The following CREBBP variants were observed in gnomAD, a reference collection of about 807,000 sequenced individuals.
The protein encoded by CREBBP is CREB-binding protein.
CREBBP carries 19 observed loss-of-function variants against 265.0 expected under a neutral mutation model. The ratio of observed to expected loss-of-function variants is 0.07; its 90% CI spans 0.05 to 0.11. The LOEUF (loss-of-function observed/expected upper bound fraction) is 0.11. CREBBP is among the 10% of genes least tolerant of loss of function. CREBBP has a pLI of 1.00. For synonymous variants in CREBBP, 1,457 were observed against 1,223.7 expected, an observed-to-expected ratio of 1.19 and a Z score of -3.98; for missense variants, 2,525 against 3,219.0, an observed-to-expected ratio of 0.78 and a Z score of 5.22.
At chr16:3,837,205 G>A (rs2054470500) in intron 2 of CREBBP, among the ~76,000 whole-genome samples, 1 of 152,168 alleles carries the variant, frequency 6.6e-6, no homozygotes, top group African/African-American at 2.4e-5. Context: ...ACAAGATGTG[G>A]AGGAGAAAAA....
intron 2 of CREBBP, among the ~76,000 whole-genome samples, chr16:3,839,992 C>T (rs1349072814): frequency 1.3e-5 from 2 of 151,978 alleles, no homozygotes; most frequent in Non-Finnish European, 2.9e-5. Context: ...TAATAAGATC[C>T]CTGAGCCAGT....
intron 2 of CREBBP, among the ~76,000 whole-genome samples, chr16:3,815,396 T>TA (rs1337632246): frequency 1.3e-5 from 2 of 151,670 alleles, no homozygotes; most frequent in Non-Finnish European, 2.9e-5. Context: ...AAAAATTAGC[T>TA]AGGCATGGTG....
chr16:3,855,216 G>C (rs1166995914), intron 1 of CREBBP, among the ~76,000 whole-genome samples: 1 of 152,094 alleles, frequency 6.6e-6, no homozygotes, highest in East Asian at 1.9e-4. Flanking sequence ...TTGTTTAATC[G>C]AAAAAGGATC....
chr16:3,735,382 C>T lies in CREBBP; in HGVS notation c.4728+654G>A, dbSNP rs184757843. On this transcript the variant is annotated intron_variant, in intron 28 of 30. Transcript: ENST00000262367. ...CGCAATCTAGGCTCACTGCAACCTC[C>T]GCCTCCCGGGTTCAAGCGATTCTCC... Among the ~76,000 whole-genome samples the T allele has an allele frequency of 1.9e-4, 29 of 152,220 alleles. 1 individual carries two copies. The highest frequency in any genetic ancestry group is 3.4e-3 in the Middle Eastern group (1 of 294).
At chr16:3,777,514 G>T in intron 11 of CREBBP, 99 bp downstream of exon 11, 1 of 1,242,914 alleles carries the variant, frequency 8.0e-7, no homozygotes, top group South Asian at 1.2e-5. Context: ...AAAGAAGAAA[G>T]GGTTAGAAAG....
At chr16:3,788,110 G>C (rs935502152) in intron 5 of CREBBP, among the ~76,000 whole-genome samples, 6 of 152,232 alleles carry the variant, frequency 3.9e-5, no homozygotes, top group Non-Finnish European at 8.8e-5. Context: ...GACAGTGCGT[G>C]CATTAGGCTG....
Position 3,767,077 on chromosome 16 carries a change from T to A in CREBBP, c.3250+643A>T, listed in dbSNP as rs528449644. Among the ~76,000 whole-genome samples, 3 of 152,298 alleles carry A rather than the reference T, an allele frequency of 2.0e-5. No homozygotes were observed. In the South Asian group the frequency reaches 6.2e-4, roughly 32 times the overall value. On this transcript the variant is annotated intron_variant, in intron 16 of 30. Coordinates refer to ENST00000262367, the MANE Select transcript of CREBBP (RefSeq NM_004380.3). Reference sequence around the variant, plus strand: ...CCCATTTCTAAGGTTCACTTGACAATTTTCTGATACCCTGTTATCTCTTTA... The same window carrying A: ...CCCATTTCTAAGGTTCACTTGACAAATTTCTGATACCCTGTTATCTCTTTA...
At chr16:3,745,205 C>T (rs978919990) in intron 22 of CREBBP, 72 bp downstream of exon 22, 11 of 1,306,764 alleles carry the variant, frequency 8.4e-6, no homozygotes, top group Non-Finnish European at 1.2e-5. Flanking sequence ...GAATGAGATG[C>T]AGTAGCCACT....
At position 3,745,293 on chromosome 16, in the gene CREBBP, T is replaced by G; in HGVS notation, c.3898A>C (p.Ile1300Leu). 1 of 1,613,976 alleles carries G rather than the reference T, an allele frequency of 6.2e-7. No homozygotes were observed. The highest frequency in any genetic ancestry group is 1.1e-5 in the South Asian group (1 of 91,030). The change falls in exon 22 of 31, where the codon ATC (isoleucine) becomes CTC (leucine). Residue 1300 changes from isoleucine (I) to leucine (L), a missense_variant. Transcript: ENST00000262367. ...ACAACTCACCCTGAAGGCCAAATGA[T>G]GTCATAGTGCAGAACGCAAATCTGA... Reference protein sequence around the residue: ...MHQICVLHYDIIWPSGFVCDN... With the variant: ...MHQICVLHYDLIWPSGFVCDN...
chr16:3,836,984 C>A (rs972906462), intron 2 of CREBBP, among the ~76,000 whole-genome samples: 2 of 152,162 alleles, frequency 1.3e-5, no homozygotes, highest in African/African-American at 4.8e-5. Context: ...ATGTATAGTA[C>A]ATAATAGCCG....
intron 2 of CREBBP, among the ~76,000 whole-genome samples, chr16:3,821,147 A>C (rs1192776470): frequency 6.6e-6 from 1 of 152,246 alleles, no homozygotes; most frequent in Non-Finnish European, 1.5e-5. Context: ...TAAAATAGGA[A>C]GCATTTAGAT....
chr16:3,839,818 GGAAA>G (rs921161352), intron 2 of CREBBP, among the ~76,000 whole-genome samples: 22 of 149,000 alleles, frequency 1.5e-4, no homozygotes, highest in South Asian at 4.2e-4. Flanking sequence ...AAGAAAGAAA[GGAAA>G]GAAAGAAAGA....
chr16:3,811,590 CA>C (rs1477788298), intron 2 of CREBBP, among the ~76,000 whole-genome samples: 1 of 152,124 alleles, frequency 6.6e-6, no homozygotes, highest in African/African-American at 2.4e-5. Flanking sequence ...CGCCTGGGTT[CA>C]AGCGATTCTC....
At chr16:3,734,045 A>G (rs769466385) in intron 28 of CREBBP, among the ~76,000 whole-genome samples, 4 of 152,354 alleles carry the variant, frequency 2.6e-5, no homozygotes, top group African/African-American at 9.6e-5. Context: ...CTTCCCGAGC[A>G]GCAGTGTTCT....
chr16:3,847,203 G>C (rs1036871136), intron 2 of CREBBP, among the ~76,000 whole-genome samples: 1 of 152,212 alleles, frequency 6.6e-6, no homozygotes, highest in Non-Finnish European at 1.5e-5. Flanking sequence ...AAGTAAAACA[G>C]TAAGGTGCTT....
chr16:3,824,068 C>T (rs138351682), intron 2 of CREBBP, among the ~76,000 whole-genome samples: 14 of 152,268 alleles, frequency 9.2e-5, no homozygotes, highest in African/African-American at 3.1e-4. Context: ...CACAGGGCCA[C>T]GTTCTCCCAA....
intron 2 of CREBBP, among the ~76,000 whole-genome samples, chr16:3,838,198 T>C (rs2054494662): frequency 6.6e-6 from 1 of 152,182 alleles, no homozygotes; most frequent in Admixed American, 6.5e-5. Flanking sequence ...TATAGAAATG[T>C]TTAGGTTTAT....
At chr16:3,738,408 C>T in intron 26 of CREBBP, 151 bp downstream of exon 26, 3 of 640,016 alleles carry the variant, frequency 4.7e-6, no homozygotes, top group Non-Finnish European at 8.3e-6. Context: ...CGGGGAGCAC[C>T]TGGAAAGAGG....
chr16:3,861,925 T>G (rs1433810639), intron 1 of CREBBP, among the ~76,000 whole-genome samples: 2 of 152,162 alleles, frequency 1.3e-5, no homozygotes, highest in African/African-American at 4.8e-5. Context: ...GAGTAAGTCT[T>G]GCCCCTCCTC....
Sources: allele counts gnomAD v4.1 joint callset (sites outside exome capture counted in the v4.1 genomes callset), GRCh38; gene constraint gnomAD v4.1.1; transcripts MANE v1.5; gene names NCBI Gene and HGNC (gene_info 2026-07-23, HGNC 2026-07-21).